ESRRG: variants seen among roughly 807,000 people sequenced by gnomAD.
ESRRG encodes the protein estrogen related receptor gamma, also known as estrogen-related receptor gamma.
In ESRRG, 13 loss-of-function variants were observed where a neutral mutation model predicts 44.0. The observed-to-expected ratio is 0.30, with a 90% CI of 0.19 to 0.47. The LOEUF (loss-of-function observed/expected upper bound fraction) is 0.47. Ranked by LOEUF, ESRRG falls within the 20% of genes least tolerant of loss-of-function variation. The probability of loss-of-function intolerance (pLI) is 1.00; values close to 1 mark genes in which losing one functional copy is unlikely to be tolerated. For missense variants in ESRRG, 395 were observed against 580.6 expected (o/e 0.68, Z 3.29); for synonymous variants, 215 against 214.6 (o/e 1.00, Z -0.02).
In ESRRG at chr1:216,832,067, C is replaced by A. The variant is rs562145109; in HGVS notation, c.-14+107515G>T. Among the ~76,000 whole-genome samples, 3 of 152,292 alleles carry A rather than the reference C, an allele frequency of 2.0e-5. No individual in the cohort carries two copies. The South Asian group carries it at 6.2e-4, about 32-fold the overall frequency. On this transcript the variant is annotated intron_variant, in intron 2 of 7. Coordinates refer to the ESRRG transcript ENST00000359162. The stretch of plus-strand genomic sequence containing the variant: ...CTCTGGGCTCTCTCATGTTATACAA[C>A]TGGCAATATGCTAATGCCAAACAAG...
intron 1 of ESRRG, among the ~76,000 whole-genome samples, chr1:216,694,608 G>A (rs1170311749): frequency 6.6e-6 from 1 of 151,688 alleles, no homozygotes; most frequent in Non-Finnish European, 1.5e-5. Context: ...CCAGGCTGGA[G>A]TGCAGTGGCG....
In ESRRG at chr1:216,934,558, C is replaced by T. The variant is rs114780617; in HGVS notation, c.-14+5024G>A. ...AAGGCAAAAAGCATGTCTTACATGGCGGCAGAAAAGCGAGAATGAGAGCTA... is the reference window on the plus strand; with the variant it reads ...AAGGCAAAAAGCATGTCTTACATGGTGGCAGAAAAGCGAGAATGAGAGCTA... On this transcript the variant is annotated intron_variant, in intron 2 of 7. Transcript: ENST00000359162. Among the ~76,000 whole-genome samples, 909 of 152,084 alleles carry T rather than the reference C, an allele frequency of 6.0e-3. 5 individuals carry two copies. The highest frequency in any genetic ancestry group is 0.021 in the African/African-American group (865 of 41,506).
intron 1 of ESRRG, among the ~76,000 whole-genome samples, chr1:216,965,947 A>C (rs1326646716): frequency 6.6e-6 from 1 of 152,150 alleles, no homozygotes. Context: ...GTCTTGTTCC[A>C]ATGCAGATCT....
intron 2 of ESRRG, among the ~76,000 whole-genome samples, chr1:216,812,424 C>T (rs2095002191): frequency 6.6e-6 from 1 of 152,090 alleles, no homozygotes; most frequent in Non-Finnish European, 1.5e-5. Flanking sequence ...TTCGGGGAGT[C>T]CCTTGGTCTC....
chr1:216,519,023 C>A (rs1298551525), intron 6 of ESRRG, 129 bp downstream of exon 6: 2 of 713,978 alleles, frequency 2.8e-6, no homozygotes, highest in Non-Finnish European at 4.7e-6. Context: ...GAAAGCTATA[C>A]TGATTATAAT....
chr1:216,977,001 A>G (rs2073061534), intron 1 of ESRRG, among the ~76,000 whole-genome samples: 1 of 152,112 alleles, frequency 6.6e-6, no homozygotes, highest in African/African-American at 2.4e-5. Context: ...TTTCTTATGT[A>G]GTGCTCACTT....
At chr1:216,888,599 G>A (rs774404868) in intron 2 of ESRRG, among the ~76,000 whole-genome samples, 8 of 152,106 alleles carry the variant, frequency 5.3e-5, no homozygotes, top group Non-Finnish European at 1.0e-4. Flanking sequence ...CATGGGATTC[G>A]TACAGACTCT....
chr1:216,876,556 C>CTT (rs200740246), intron 2 of ESRRG, among the ~76,000 whole-genome samples: 4 of 141,372 alleles, frequency 2.8e-5, no homozygotes, highest in African/African-American at 1.2e-4. Context: ...AGGAAATCTA[C>CTT]TTTTTATTTG....
At chr1:217,083,505 T>C (rs2091900869) in intron 1 of ESRRG, among the ~76,000 whole-genome samples, 1 of 152,214 alleles carries the variant, frequency 6.6e-6, no homozygotes, top group African/African-American at 2.4e-5. Context: ...AACCCCTTCA[T>C]TTTAGAAATG....
chr1:217,128,586 G>T (rs2092920753), intron 1 of ESRRG, among the ~76,000 whole-genome samples: 1 of 152,088 alleles, frequency 6.6e-6, no homozygotes, highest in Admixed American at 6.5e-5. Flanking sequence ...ATTTGATAAT[G>T]ATAATTTAAA....
chr1:216,777,682 G>A (rs1576434527), intron 2 of ESRRG, among the ~76,000 whole-genome samples: 1 of 151,910 alleles, frequency 6.6e-6, no homozygotes, highest in East Asian at 1.9e-4. Context: ...TCATTTCTAT[G>A]GTCCCAACAT....
chr1:216,693,691 C>T (rs2079543963), intron 1 of ESRRG, among the ~76,000 whole-genome samples: 1 of 151,952 alleles, frequency 6.6e-6, no homozygotes. Flanking sequence ...AAAGTCTGTA[C>T]ATGTTCAGTG....
At chr1:217,066,633 G>GT (rs1282627709) in intron 1 of ESRRG, among the ~76,000 whole-genome samples, 1 of 152,192 alleles carries the variant, frequency 6.6e-6, no homozygotes, top group East Asian at 1.9e-4. Context: ...TTTAAACTTT[G>GT]TAAGTGTCTA....
chr1:216,913,316 A>G (rs35943648), intron 2 of ESRRG, among the ~76,000 whole-genome samples: 2,286 of 151,976 alleles, frequency 0.015, 27 homozygotes, highest in Non-Finnish European at 0.023. Flanking sequence ...GAGGATGTGC[A>G]TAGTTACATG....
At chr1:216,856,280 C>T (rs1189316964) in intron 2 of ESRRG, among the ~76,000 whole-genome samples, 1 of 151,600 alleles carries the variant, frequency 6.6e-6, no homozygotes, top group Non-Finnish European at 1.5e-5. Flanking sequence ...TCCTGGAAAG[C>T]ATGCTCCTTA....
At chr1:216,676,570 A>G (rs896746683) in intron 2 of ESRRG, among the ~76,000 whole-genome samples, 7 of 152,198 alleles carry the variant, frequency 4.6e-5, no homozygotes, top group Non-Finnish European at 1.0e-4. Context: ...AAAATATACA[A>G]TCTCAGGCAG....
In ESRRG at chr1:216,503,382, A is replaced by G. The variant is rs1047305020; in HGVS notation, c.*3557T>C. The G allele has an allele frequency of 9.2e-5, 14 of 152,680 alleles. No individual in the cohort carries two copies. Among genetic ancestry groups the G allele is most frequent in the African/African-American group, 3.4e-4 (14 of 41,550 alleles). 9.5% of individuals were successfully genotyped at this position (152,680 alleles called of 1,614,324 possible). ...TTGCATTTAACAATATATACAATAT[A>G]AAATAAATACATTTACACAAATGGA... On this transcript the variant is annotated 3_prime_UTR_variant, in exon 7 of 7. Transcript: ENST00000408911.
intron 1 of ESRRG, among the ~76,000 whole-genome samples, chr1:217,087,225 C>G (rs905450123): frequency 6.6e-6 from 1 of 152,174 alleles, no homozygotes; most frequent in African/African-American, 2.4e-5. Flanking sequence ...GAGAACAGCC[C>G]CAGATATTCC....
chr1:216,532,563 T>C (rs991094872), intron 5 of ESRRG, among the ~76,000 whole-genome samples: 3 of 152,240 alleles, frequency 2.0e-5, no homozygotes, highest in Non-Finnish European at 4.4e-5. Flanking sequence ...CCGCAATGAC[T>C]ATTTTGTTTC....
Sources: gnomAD v4.1 joint callset for allele counts (sites outside exome capture counted in the v4.1 genomes callset) on GRCh38, gnomAD v4.1.1 for gene constraint, MANE v1.5 for transcripts, NCBI Gene and HGNC (gene_info 2026-07-23, HGNC 2026-07-21) for gene names.